The following TAS1R1 variants were observed in gnomAD, a reference collection of about 807,000 sequenced individuals.
The protein encoded by TAS1R1 is taste receptor type 1 member 1.
Under a neutral mutation model 45.8 loss-of-function variants are expected in TAS1R1, and 31 were observed. The observed-to-expected ratio is 0.68, with a 90% confidence interval of 0.51 to 0.91. The LOEUF (loss-of-function observed/expected upper bound fraction) is 0.91, where lower values mean the gene tolerates loss of function less well. Among genes scored for constraint, TAS1R1 ranks in the 40% least tolerant of loss-of-function variants. The pLI is 0.00. For missense variants in TAS1R1, 1,051 were observed against 1,063.9 expected (o/e 0.99, Z 0.17); for synonymous variants, 437 against 448.4 (o/e 0.97, Z 0.32).
At chr1:6,568,557 G>A (rs1384420357) in intron 1 of TAS1R1, among the ~76,000 whole-genome samples, 1 of 151,952 alleles carries the variant, frequency 6.6e-6, no homozygotes, top group East Asian at 1.9e-4. Flanking sequence ...AAGGAATTGG[G>A]CAGGATTTTC....
rs200036704 is a variant in TAS1R1, at chr1:6,561,004, AAGAG to A, written c.191+5441_191+5444del. Among the ~76,000 whole-genome samples the A allele has an allele frequency of 6.2e-3, 932 of 150,862 alleles. 8 individuals carry two copies. Among genetic ancestry groups the A allele is most frequent in the African/African-American group, 0.021 (852 of 40,982 alleles). On this transcript the variant is annotated intron_variant, in intron 1 of 5. Transcript: ENST00000333172. ...TCTGTCTCAAAAAAAAAAAAAAAAA[AAGAG>A]GGGCGATGTTTATGGAGAAAGGCTG...
intron 1 of TAS1R1, among the ~76,000 whole-genome samples, 170 bp downstream of exon 1, chr1:6,555,734 A>G (rs1639665463): frequency 6.6e-6 from 1 of 152,170 alleles, no homozygotes; most frequent in African/African-American, 2.4e-5. Context: ...CTTCCTAGAC[A>G]CTTCGGCCAG....
chr1:6,574,767 C>T lies in TAS1R1; in HGVS notation c.635C>T (p.Ser212Phe), dbSNP rs770496763. 3 of 1,614,268 alleles carry T rather than the reference C, an allele frequency of 1.9e-6. No homozygotes were observed. The highest frequency in any genetic ancestry group is 2.2e-5 in the South Asian group (2 of 91,092). Residue 212 changes from serine (S) to phenylalanine (F), a missense_variant, in exon 3 of 6, where the codon TCT becomes TTT. By Grantham distance (155) the Ser-to-Phe change is radical (BLOSUM62 -2). Coordinates refer to ENST00000333172, the MANE Select transcript of TAS1R1 (RefSeq NM_138697.4). This position sits in a 1 kb window ranked among gnomAD's most constrained non-coding sequence, Gnocchi z 4.3. ...LLQKFGWTWI[S>F]LVGSSDDYGQ... is the part of the protein sequence containing the mutation. ...CAGAAGTTCGGGTGGACCTGGATCT[C>T]TCTGGTTGGCAGCAGTGACGACTAT...
chr1:6,564,287 G>C (rs139731031), intron 1 of TAS1R1, among the ~76,000 whole-genome samples: 3 of 152,304 alleles, frequency 2.0e-5, no homozygotes, highest in African/African-American at 7.2e-5. Context: ...CCTAGAAGGA[G>C]AGTCTGGTCG....
chr1:6,573,727 A>G (rs1330158787), intron 2 of TAS1R1, among the ~76,000 whole-genome samples: 3 of 151,602 alleles, frequency 2.0e-5, no homozygotes, highest in African/African-American at 7.3e-5. Flanking sequence ...CAGTGGCGCG[A>G]TCTCGACTCA....
chr1:6,566,926 C>G (rs74654938), intron 1 of TAS1R1, among the ~76,000 whole-genome samples: 2,955 of 152,110 alleles, frequency 0.019, 92 homozygotes, highest in African/African-American at 0.067. Flanking sequence ...TCATGATGAG[C>G]AGTTAGGGAA....
chr1:6,557,780 G>T (rs1421459031), intron 1 of TAS1R1, among the ~76,000 whole-genome samples: 1 of 152,116 alleles, frequency 6.6e-6, no homozygotes, highest in African/African-American at 2.4e-5. Context: ...TGTTGTCCAG[G>T]CTAGTCTCCA....
At chr1:6,570,345 C>G (rs1424734048) in intron 1 of TAS1R1, among the ~76,000 whole-genome samples, 1 of 151,236 alleles carries the variant, frequency 6.6e-6, no homozygotes, top group Non-Finnish European at 1.5e-5. Flanking sequence ...GGCAGAGGGC[C>G]TGCAGGTGGT....
In TAS1R1 at chr1:6,579,232, C is replaced by G. The variant is rs1266411203; in HGVS notation, c.2174C>G (p.Ser725Cys). ...LVMLECTETN[S>C]LGFILAFLYN... ...ATGCTTGAGTGCACAGAGACCAACTCCCTGGGCTTCATACTGGCCTTCCTC... is the reference window on the plus strand; with the variant it reads ...ATGCTTGAGTGCACAGAGACCAACTGCCTGGGCTTCATACTGGCCTTCCTC... The change falls in exon 6 of 6, where the codon TCC becomes TGC. Residue 725 changes from serine (S) to cysteine (C), a missense_variant. Physicochemically the swap from Ser to Cys is moderately radical, Grantham distance 112 (BLOSUM62 -1). Coordinates refer to ENST00000333172, the MANE Select transcript of TAS1R1 (RefSeq NM_138697.4). The G allele has an allele frequency of 1.2e-6, 2 of 1,613,936 alleles. No individual in the cohort carries two copies. The highest frequency in any genetic ancestry group is 1.7e-6 in the Non-Finnish European group (2 of 1,180,044).
chr1:6,572,526 G>A (rs1254156876), intron 2 of TAS1R1, among the ~76,000 whole-genome samples: 1 of 152,068 alleles, frequency 6.6e-6, no homozygotes, highest in Non-Finnish European at 1.5e-5. Flanking sequence ...CTCCCAAAGT[G>A]GTGAGATTAC....
rs557890353 is a variant in TAS1R1 at position 6,557,654 on chromosome 1, C to A, written c.191+2090C>A. Among the ~76,000 whole-genome samples the A allele has an allele frequency of 7.2e-4, 109 of 152,262 alleles. 1 individual carries two copies. In the South Asian group the frequency reaches 0.022, roughly 31 times the overall value. ...GTCTCACTGTGTTGCTCAGGCTGGT[C>A]TCAAACTCCTGGTCTCAAGTGATTC... On this transcript the variant is annotated intron_variant, in intron 1 of 5. Coordinates refer to ENST00000333172, the MANE Select transcript of TAS1R1 (RefSeq NM_138697.4).
chr1:6,574,715 C>G lies in TAS1R1; in HGVS notation c.583C>G (p.Gln195Glu). Residue 195 changes from glutamine (Q) to glutamate (E), a missense_variant, in exon 3 of 6, where the codon CAG (glutamine) becomes GAG (glutamate). Transcript: ENST00000333172. This position sits in a 1 kb window ranked among gnomAD's most constrained non-coding sequence, Gnocchi z 4.3. ...FLRTIPNDKY[Q>E]VETMVLLLQK... is the part of the protein sequence containing the mutation. ...GCGCACCATCCCCAATGACAAGTACCAGGTGGAGACCATGGTGCTGCTGCT... is the reference window on the plus strand; with the variant it reads ...GCGCACCATCCCCAATGACAAGTACGAGGTGGAGACCATGGTGCTGCTGCT... The G allele has an allele frequency of 1.2e-6, 2 of 1,614,260 alleles. No homozygotes were observed. The highest frequency in any genetic ancestry group is 8.5e-7 in the Non-Finnish European group (1 of 1,180,056).
At position 6,578,890 on chromosome 1, in the gene TAS1R1, C is replaced by G. The variant is rs1184587254; in HGVS notation, c.1832C>G (p.Ser611Cys). ...GGRLCFLMLG[S>C]LAAGSGSLYG... is the part of the protein sequence containing the mutation. ...CGCCTGTGCTTTCTTATGCTGGGCT[C>G]CCTGGCAGCAGGTAGTGGCAGCCTC... Residue 611 changes from serine (S) to cysteine (C), a missense_variant, in exon 6 of 6, where the codon TCC becomes TGC. By Grantham distance (112) the Ser-to-Cys change is moderately radical. Transcript: ENST00000333172. The G allele has an allele frequency of 3.1e-6, 5 of 1,610,066 alleles. No individual in the cohort carries two copies. The highest frequency in any genetic ancestry group is 4.2e-6 in the Non-Finnish European group (5 of 1,177,180).
At position 6,571,179 on chromosome 1, in the gene TAS1R1, C is replaced by T. The variant is rs1241156872; in HGVS notation, c.462C>T (p.Thr154=). The change falls in exon 2 of 6, where the codon ACC becomes ACT. Residue 154 remains threonine, a synonymous_variant. Coordinates refer to ENST00000333172, the MANE Select transcript of TAS1R1 (RefSeq NM_138697.4). ...CTGACAGCACCAACCGTGCTGCCAC[C>T]ACAGCCGCCCTGCTGAGCCCTTTCC... The part of the protein sequence containing the change: ...IGPDSTNRAA[T]TAALLSPFLV... 6.3e-7 allele frequency: 1 copy of T among 1,592,320 alleles called. No homozygotes were observed. Among genetic ancestry groups the T allele is most frequent in the African/African-American group, 1.3e-5 (1 of 74,686 alleles).
chr1:6,555,886 T>TTTTG (rs1639671846), intron 1 of TAS1R1, among the ~76,000 whole-genome samples: 1 of 130,928 alleles, frequency 7.6e-6, no homozygotes. Flanking sequence ...TTTTTTTTTT[T>TTTTG]TTTGAGACGG....
chr1:6,558,822 G>A (rs1435566841), intron 1 of TAS1R1, among the ~76,000 whole-genome samples: 2 of 151,594 alleles, frequency 1.3e-5, no homozygotes, highest in South Asian at 2.1e-4. Flanking sequence ...AGATTCAGGC[G>A]ATCCTCCTGC....
In TAS1R1 at chr1:6,579,346, C is replaced by T. The variant is rs1175115242; in HGVS notation, c.2288C>T (p.Thr763Ile). 1.9e-6 allele frequency: 3 copies of T among 1,614,130 alleles called. No individual in the cohort carries two copies. The highest frequency in any genetic ancestry group is 4.5e-5 in the East Asian group (2 of 44,888). ...PENYNEAKCV[T>I]FSLLFNFVSW... is the part of the protein sequence containing the mutation. ...AACTACAACGAGGCCAAATGTGTCA[C>T]CTTCAGCCTGCTCTTCAACTTCGTG... Residue 763 changes from threonine to isoleucine, a missense_variant, in exon 6 of 6, where the codon ACC becomes ATC. Coordinates refer to ENST00000333172, the MANE Select transcript of TAS1R1 (RefSeq NM_138697.4).
At chr1:6,567,060 A>C (rs1011384263) in intron 1 of TAS1R1, among the ~76,000 whole-genome samples, 6 of 152,152 alleles carry the variant, frequency 3.9e-5, no homozygotes, top group Admixed American at 1.3e-4. Flanking sequence ...GAGGCAAGAA[A>C]AGGTGATACA....
At position 6,575,343 on chromosome 1, in the gene TAS1R1, TG is replaced by T. The variant is rs759681501; in HGVS notation, c.1214del (p.Gly405AlafsTer47). On this transcript the variant is annotated frameshift_variant, in exon 3 of 6. Transcript: ENST00000333172. LOFTEE classifies it high-confidence loss of function. Reference sequence around the variant, plus strand: ...GTGGCCCATGGCCTCCACCAGCTCCTGGGCTGTGCCTCTGGAGCTTGTTCCA... The same window carrying T: ...GTGGCCCATGGCCTCCACCAGCTCCTGGCTGTGCCTCTGGAGCTTGTTCCA... ...YAVAHGLHQL[L>X]GCASGACSRG... 3 of 1,605,014 alleles carry T rather than the reference TG, an allele frequency of 1.9e-6. No individual in the cohort carries two copies. The African/African-American group carries it at 4.0e-5, about 22-fold the overall frequency.
Sources: allele counts gnomAD v4.1 joint callset (sites outside exome capture counted in the v4.1 genomes callset), GRCh38; gene constraint gnomAD v4.1.1; non-coding constraint Gnocchi (gnomAD v3.1); transcripts MANE v1.5; gene names NCBI Gene and HGNC (gene_info 2026-07-23, HGNC 2026-07-21).